SYNE2: variants seen among roughly 807,000 people sequenced by gnomAD.
The protein encoded by SYNE2 is spectrin repeat containing nuclear envelope protein 2, also known as nesprin-2.
In SYNE2, 431 loss-of-function variants were observed where a neutral mutation model predicts 856.3. The ratio of observed to expected loss-of-function variants is 0.50; its 90% CI spans 0.47 to 0.55. The LOEUF (loss-of-function observed/expected upper bound fraction) is 0.55. SYNE2 is among the 20% of genes least tolerant of loss of function. The pLI is 0.00. For missense variants in SYNE2, 8,129 were observed against 8,023.2 expected (o/e 1.01, Z -0.50); for synonymous variants, 2,923 against 2,872.3 (o/e 1.02, Z -0.56).
intron 2 of SYNE2, among the ~76,000 whole-genome samples, chr14:63,924,806 A>G: frequency 1.1e-5 from 1 of 94,412 alleles, no homozygotes; most frequent in Admixed American, 1.3e-4. Context: ...ATTAAAGACA[A>G]TTTAACTTTT....
Position 64,188,721 on chromosome 14 carries a change from A to G in SYNE2, c.17871+13A>G. 6.2e-7 allele frequency: 1 copy of G among 1,613,886 alleles called. No homozygotes were observed. The stretch of plus-strand genomic sequence containing the variant: ...AAAGTTACAGAAGGTAAGGGAGGAC[A>G]CCCAGGTGGATGTAGTTATGACTAC... On this transcript the variant is annotated intron_variant, in intron 98 of 115. Coordinates refer to ENST00000555002, the MANE Select transcript of SYNE2 (RefSeq NM_182914.3).
At chr14:63,949,777 T>C (rs985428351) in intron 6 of SYNE2, 48 bp from the exon 7 acceptor site, 1 of 1,609,804 alleles carries the variant, frequency 6.2e-7, no homozygotes, top group African/African-American at 1.3e-5. Flanking sequence ...GGCCCAATGC[T>C]GGTAACTTAT....
At chr14:64,022,364 C>T (rs1308572822) in intron 37 of SYNE2, among the ~76,000 whole-genome samples, 3 of 152,090 alleles carry the variant, frequency 2.0e-5, no homozygotes, top group African/African-American at 4.8e-5. Context: ...TATGCTTGGA[C>T]GTTTGGTATA....
intron 30 of SYNE2, among the ~76,000 whole-genome samples, chr14:64,006,438 T>C (rs1282321419): frequency 6.6e-6 from 1 of 152,194 alleles, no homozygotes; most frequent in African/African-American, 2.4e-5. Flanking sequence ...TTTTCTCTCG[T>C]GTGTATACAC....
intron 96 of SYNE2, among the ~76,000 whole-genome samples, chr14:64,179,820 A>G (rs2098450054): frequency 6.6e-6 from 1 of 152,018 alleles, no homozygotes; most frequent in Non-Finnish European, 1.5e-5. Flanking sequence ...GTCTTTTCCC[A>G]TCTGAGAGCC....
chr14:63,800,232 T>G lies in SYNE2; in HGVS notation c.-305+38246T>G, dbSNP rs12588977. On this transcript the variant is annotated intron_variant, in intron 1 of 23. Transcript: ENST00000674003. The stretch of plus-strand genomic sequence containing the variant: ...GAAAGTATAATAATAGGTTTTTTGG[T>G]TTTTTTTTTGAGACGGAGTCTCCTT... 5.0e-3 allele frequency among the ~76,000 whole-genome samples: 744 copies of G among 148,810 alleles called. 5 individuals are homozygous for G. Among genetic ancestry groups the G allele is most frequent in the African/African-American group, 0.016 (668 of 40,780 alleles).
At chr14:64,178,841 C>T (rs1479673621) in intron 96 of SYNE2, among the ~76,000 whole-genome samples, 2 of 152,114 alleles carry the variant, frequency 1.3e-5, no homozygotes, top group African/African-American at 4.8e-5. Flanking sequence ...GAGGCTGCAG[C>T]GGGAGGATCC....
At chr14:64,159,762 A>AAGG (rs1290610915) in intron 87 of SYNE2, among the ~76,000 whole-genome samples, 1 of 152,226 alleles carries the variant, frequency 6.6e-6, no homozygotes, top group Non-Finnish European at 1.5e-5. Flanking sequence ...GAAACAGACA[A>AAGG]AGGAGTGGGC....
intron 63 of SYNE2, among the ~76,000 whole-genome samples, chr14:64,100,529 AAAATATATATATATATATATATATATAT>A (rs2097716364): frequency 3.5e-5 from 2 of 57,662 alleles, no homozygotes; most frequent in South Asian, 6.8e-4. Context: ...AAAAAAAAAA[AAAATATATATATATATATATATATATAT>A]ATATATATAT....
At chr14:64,154,902 C>G (rs1410421656) in intron 85 of SYNE2, among the ~76,000 whole-genome samples, 2 of 151,836 alleles carry the variant, frequency 1.3e-5, no homozygotes, top group Non-Finnish European at 2.9e-5. Flanking sequence ...CATTAACCAT[C>G]AAGGAAATGA....
intron 99 of SYNE2, among the ~76,000 whole-genome samples, chr14:64,198,563 T>G (rs1231149824): frequency 6.6e-6 from 1 of 152,186 alleles, no homozygotes; most frequent in Non-Finnish European, 1.5e-5. Flanking sequence ...GGATGGAGTT[T>G]GGGATATACC....
At chr14:63,979,722 A>C (rs994587770) in intron 14 of SYNE2, among the ~76,000 whole-genome samples, 4 of 152,226 alleles carry the variant, frequency 2.6e-5, no homozygotes, top group Non-Finnish European at 5.9e-5. Context: ...AGACATGGCG[A>C]AACCCTGTCT....
At chr14:63,934,366 T>A (rs541465862) in intron 2 of SYNE2, among the ~76,000 whole-genome samples, 22 of 152,166 alleles carry the variant, frequency 1.4e-4, no homozygotes, top group African/African-American at 4.8e-4. Context: ...TATTTTAAAT[T>A]CAAGTTTATG....
At chr14:63,921,278 T>C (rs1458491087) in intron 2 of SYNE2, among the ~76,000 whole-genome samples, 1 of 152,070 alleles carries the variant, frequency 6.6e-6, no homozygotes, top group Non-Finnish European at 1.5e-5. Context: ...TCGAGATGTC[T>C]ATGGAATAAC....
intron 1 of SYNE2, among the ~76,000 whole-genome samples, chr14:63,875,084 C>T (rs1043794511): frequency 6.6e-6 from 1 of 151,652 alleles, no homozygotes; most frequent in Admixed American, 6.6e-5. Context: ...GTTGTCCAGG[C>T]TGGAGTGCAG....
At chr14:64,134,998 A>T (rs28404143) in intron 78 of SYNE2, among the ~76,000 whole-genome samples, 1 of 140,072 alleles carries the variant, frequency 7.1e-6, no homozygotes, top group Non-Finnish European at 1.5e-5. Context: ...AAACAAAAAA[A>T]CAAAAACCCT....
intron 94 of SYNE2, among the ~76,000 whole-genome samples, chr14:64,172,500 C>T (rs2098415862): frequency 6.6e-6 from 1 of 152,142 alleles, no homozygotes; most frequent in African/African-American, 2.4e-5. Flanking sequence ...TTATATGGTA[C>T]CCCAATGGTT....
chr14:64,164,156 C>G (rs552387755), intron 89 of SYNE2, among the ~76,000 whole-genome samples: 1 of 151,776 alleles, frequency 6.6e-6, no homozygotes, highest in Non-Finnish European at 1.5e-5. Flanking sequence ...GTCGCCCAGG[C>G]TGGAGTACAG....
intron 12 of SYNE2, among the ~76,000 whole-genome samples, chr14:63,977,002 G>T (rs191369668): frequency 3.3e-5 from 5 of 151,852 alleles, no homozygotes; most frequent in Admixed American, 3.3e-4. Context: ...AAAGGTCAAG[G>T]GGTGGGAGGG....
Sources: gnomAD v4.1 joint callset for allele counts (sites outside exome capture counted in the v4.1 genomes callset) on GRCh38, gnomAD v4.1.1 for gene constraint, MANE v1.5 for transcripts, NCBI Gene and HGNC (gene_info 2026-07-23, HGNC 2026-07-21) for gene names.